Variants in PAK3 observed in about 807,000 individuals in gnomAD.
PAK3 encodes the protein serine/threonine-protein kinase PAK 3.
Under a neutral mutation model 41.0 loss-of-function variants are expected in PAK3, and 4 were observed. That is an observed-to-expected ratio of 0.10 (90% CI 0.05 to 0.22). PAK3 has a LOEUF of 0.22. Ranked by LOEUF, PAK3 falls within the 10% of genes least tolerant of loss-of-function variation. PAK3 has a pLI of 1.00. For missense variants in PAK3, 205 were observed against 409.9 expected (o/e 0.50, Z 4.32); for synonymous variants, 146 against 139.6 (o/e 1.05, Z -0.32).
At chrX:111,091,961 C>T (rs1199564108), upstream of PAK3, among the ~76,000 whole-genome samples, 2 of 111,417 alleles carry the variant, frequency 1.8e-5, no homozygotes, top group Non-Finnish European at 3.8e-5. Flanking sequence ...CTACTGGGAA[C>T]AACTTCTGGC....
At chrX:110,958,963 C>T (rs894899077) in intron 1 of PAK3, among the ~76,000 whole-genome samples, 3 of 112,070 alleles carry the variant, frequency 2.7e-5, no homozygotes, top group Non-Finnish European at 5.6e-5. Context: ...ACAAATGTGA[C>T]GCACTCAATG....
chrX:110,955,195 CA>C (rs774118957), intron 1 of PAK3, among the ~76,000 whole-genome samples: 1 of 112,063 alleles, frequency 8.9e-6, no homozygotes, highest in Non-Finnish European at 1.9e-5. Flanking sequence ...CGTATGGGAC[CA>C]AATCCATCCT....
intron 5 of PAK3, among the ~76,000 whole-genome samples, chrX:111,137,612 A>G (rs887482272): frequency 8.9e-6 from 1 of 111,826 alleles, no homozygotes; most frequent in Non-Finnish European, 1.9e-5. Flanking sequence ...TGGGGTGGGC[A>G]TATAAAAGGT....
intron 1 of PAK3, among the ~76,000 whole-genome samples, chrX:111,029,323 T>C (rs372722907): frequency 1.8e-5 from 2 of 111,280 alleles, no homozygotes; most frequent in East Asian, 5.7e-4. Flanking sequence ...CCTGGAACCA[T>C]ATGGGAGTTA....
chrX:111,145,861 C>A (rs1446414913), intron 6 of PAK3, among the ~76,000 whole-genome samples: 1 of 111,695 alleles, frequency 9.0e-6, no homozygotes, highest in African/African-American at 3.3e-5. Flanking sequence ...TGGAATTGTT[C>A]CCCTTTCCCT....
chrX:110,949,379 T>C (rs1039442963), intron 1 of PAK3, among the ~76,000 whole-genome samples: 35 of 111,946 alleles, frequency 3.1e-4, no homozygotes, highest in African/African-American at 1.0e-3. Flanking sequence ...TCATGGTGGA[T>C]GATTTGATCA....
intron 1 of PAK3, among the ~76,000 whole-genome samples, chrX:111,011,414 C>A (rs2092008980): frequency 9.0e-6 from 1 of 111,698 alleles, no homozygotes; most frequent in African/African-American, 3.3e-5. Context: ...CACCACACTT[C>A]ATCTCCCTGG....
In PAK3 at chrX:111,008,898, A is replaced by G. The variant is rs192853035; in HGVS notation, c.-28+64270A>G. Among the ~76,000 whole-genome samples the G allele has an allele frequency of 1.3e-3, 140 of 111,540 alleles. 4 individuals are homozygous for G. Among genetic ancestry groups the G allele is most frequent in the Admixed American group, 0.011 (121 of 10,548 alleles). ...CACACGAGTGGGCAGCACTGAGAGG[A>G]CAGGTTACAGGAAAGACACAAATAG... On this transcript the variant is annotated intron_variant, in intron 1 of 14. Coordinates refer to the PAK3 transcript ENST00000425146.
At chrX:111,140,718 C>G (rs1233542176) in intron 5 of PAK3, among the ~76,000 whole-genome samples, 1 of 111,339 alleles carries the variant, frequency 9.0e-6, no homozygotes, top group Admixed American at 9.6e-5. Flanking sequence ...CTCTTGTTCC[C>G]CTGCTCCCAA....
At chrX:111,017,702 A>G (rs1276169424) in intron 1 of PAK3, among the ~76,000 whole-genome samples, 1 of 111,936 alleles carries the variant, frequency 8.9e-6, no homozygotes, top group Non-Finnish European at 1.9e-5. Flanking sequence ...AACTCTTAAA[A>G]AATTAAAGAA....
chrX:111,004,757 T>A (rs892407070), intron 1 of PAK3, among the ~76,000 whole-genome samples: 5 of 112,292 alleles, frequency 4.5e-5, no homozygotes, highest in African/African-American at 1.6e-4. Context: ...TGAGCTCCAA[T>A]TAAGGAATTT....
intron 4 of PAK3, among the ~76,000 whole-genome samples, chrX:111,105,512 CTT>C (rs1428797094): frequency 4.5e-5 from 5 of 110,217 alleles, no homozygotes; most frequent in African/African-American, 1.3e-4. Flanking sequence ...CAGTCACAAA[CTT>C]ATCACAGGGA....
At chrX:110,954,189 T>C (rs1191793767) in intron 1 of PAK3, among the ~76,000 whole-genome samples, 1 of 111,922 alleles carries the variant, frequency 8.9e-6, no homozygotes, top group East Asian at 2.8e-4. Context: ...CTGCGCCAAC[T>C]TTCAGCCCTT....
At chrX:111,025,328 T>C (rs2092254144) in intron 1 of PAK3, among the ~76,000 whole-genome samples, 1 of 109,719 alleles carries the variant, frequency 9.1e-6, no homozygotes, top group South Asian at 3.8e-4. Flanking sequence ...AACAAAAAAA[T>C]ACAAAAGATA....
At chrX:111,186,423 T>C (rs1296734321) in intron 11 of PAK3, among the ~76,000 whole-genome samples, 4 of 111,760 alleles carry the variant, frequency 3.6e-5, no homozygotes, top group Non-Finnish European at 7.5e-5. Flanking sequence ...CTCCTTAAGC[T>C]GATAAGCAAC....
At chrX:111,068,554 G>A (rs1230287739) in intron 1 of PAK3, among the ~76,000 whole-genome samples, 6 of 112,491 alleles carry the variant, frequency 5.3e-5, no homozygotes, top group Non-Finnish European at 5.6e-5. Context: ...TGCCCACCTC[G>A]GCCTCCCAAA....
chrX:110,963,834 C>T (rs193013143), intron 1 of PAK3, among the ~76,000 whole-genome samples: 2 of 111,583 alleles, frequency 1.8e-5, no homozygotes, highest in Non-Finnish European at 3.8e-5. Context: ...GAGATAATTG[C>T]TATGTAAATG....
At chrX:110,975,373 A>T (rs758309078) in intron 1 of PAK3, among the ~76,000 whole-genome samples, 2 of 111,945 alleles carry the variant, frequency 1.8e-5, no homozygotes, top group African/African-American at 6.5e-5. Flanking sequence ...CTTCAAAGAG[A>T]ATAAAATACC....
At chrX:111,155,868 C>T (rs999283438) in intron 8 of PAK3, among the ~76,000 whole-genome samples, 7 of 111,164 alleles carry the variant, frequency 6.3e-5, no homozygotes, top group East Asian at 5.7e-4. Context: ...AACTGAGATG[C>T]GAGAAAGGGA....
Sources: allele counts gnomAD v4.1 joint callset (sites outside exome capture counted in the v4.1 genomes callset), GRCh38; gene constraint gnomAD v4.1.1; transcripts MANE v1.5; gene names NCBI Gene and HGNC (gene_info 2026-07-23, HGNC 2026-07-21).